The following SCFD1 variants were observed in gnomAD, a reference collection of about 807,000 sequenced individuals.
SCFD1 encodes the protein sec1 family domain containing 1.
SCFD1 carries 37 observed loss-of-function variants against 103.2 expected under a neutral mutation model. The ratio of observed to expected loss-of-function variants is 0.36; its 90% CI spans 0.28 to 0.47. The LOEUF is 0.47. Among genes scored for constraint, SCFD1 ranks in the 20% least tolerant of loss-of-function variants. SCFD1 has a pLI of 1.00. For synonymous variants in SCFD1, 264 were observed against 245.0 expected (o/e 1.08, Z -0.73); for missense variants, 639 against 761.2 (o/e 0.84, Z 1.89).
At chr14:30,670,513 G>T in intron 11 of SCFD1, 118 bp downstream of exon 11, 1 of 600,108 alleles carries the variant, frequency 1.7e-6, no homozygotes, top group Non-Finnish European at 2.8e-6. Context: ...CCAATGAGTG[G>T]GGGCTGTAAT....
At chr14:30,647,917 C>T (rs1373976514) in intron 7 of SCFD1, among the ~76,000 whole-genome samples, 2 of 152,164 alleles carry the variant, frequency 1.3e-5, no homozygotes, top group Non-Finnish European at 2.9e-5. Flanking sequence ...TCCCAAAGTG[C>T]TGGGATTACA....
At chr14:30,713,071 T>G (rs1170176809) in intron 19 of SCFD1, among the ~76,000 whole-genome samples, 1 of 152,192 alleles carries the variant, frequency 6.6e-6, no homozygotes, top group Non-Finnish European at 1.5e-5. Flanking sequence ...AAAACTTGAT[T>G]AACCTGGTAT....
At position 30,658,445 on chromosome 14, in the gene SCFD1, T is replaced by G. The variant is rs1419435386; in HGVS notation, c.855+4857T>G. 12 of 155,044 alleles carry G rather than the reference T, an allele frequency of 7.7e-5. No homozygotes were observed. In the East Asian group the frequency reaches 2.2e-3, roughly 29 times the overall value. The allele number at this position is 155,044 out of a possible 1,614,324, so 9.6% of individuals were successfully genotyped here. On this transcript the variant is annotated intron_variant, in intron 10 of 24. Coordinates refer to ENST00000458591, the MANE Select transcript of SCFD1 (RefSeq NM_016106.4). ...TCTTGCCCCGTCGCCCCGGCTGGAG[T>G]GCAGGAGTGCGATCTCGGCTCACTG...
chr14:30,629,576 A>AG (rs1432223524), intron 2 of SCFD1, among the ~76,000 whole-genome samples: 226 of 145,910 alleles, frequency 1.5e-3, no homozygotes, highest in African/African-American at 5.6e-3. Context: ...TTAGGGACTT[A>AG]ATTTTTTTTT....
rs140830044 is a variant in SCFD1 at position 30,671,848 on chromosome 14, A to G, written c.996-1409A>G. Among the ~76,000 whole-genome samples, 246 of 152,230 alleles carry G rather than the reference A, an allele frequency of 1.6e-3. 1 individual carries two copies. Among genetic ancestry groups the G allele is most frequent in the African/African-American group, 5.5e-3 (229 of 41,564 alleles). ...TCATCCAGCTTTCGTTGGTAAAGCC[A>G]GGGATGAAACCCAGGTCTTGCAGAC... On this transcript the variant is annotated intron_variant, in intron 11 of 24. Coordinates refer to ENST00000458591, the MANE Select transcript of SCFD1 (RefSeq NM_016106.4).
chr14:30,676,903 A>G (rs540633710), intron 14 of SCFD1, among the ~76,000 whole-genome samples: 4 of 152,348 alleles, frequency 2.6e-5, no homozygotes, highest in Admixed American at 2.6e-4. Context: ...CGAAATTTTT[A>G]TCGTGCTTAT....
At chr14:30,734,370 C>A in intron 23 of SCFD1, 1 of 183,698 alleles carries the variant, frequency 5.4e-6, no homozygotes, top group Non-Finnish European at 1.2e-5. Flanking sequence ...TCAAGTGAGA[C>A]TAAAAGCACA....
At chr14:30,675,103 A>G in intron 14 of SCFD1, 38 bp downstream of exon 14, 2 of 1,144,434 alleles carry the variant, frequency 1.7e-6, no homozygotes, top group Non-Finnish European at 2.5e-6. Flanking sequence ...TATGACTTGC[A>G]TTTACATAGG....
chr14:30,697,008 G>A (rs1890746717), intron 15 of SCFD1, among the ~76,000 whole-genome samples: 1 of 152,110 alleles, frequency 6.6e-6, no homozygotes, highest in African/African-American at 2.4e-5. Flanking sequence ...GTGTTGGTGT[G>A]AACTTAGTGT....
chr14:30,680,062 C>T (rs1014081798), intron 14 of SCFD1, among the ~76,000 whole-genome samples: 2 of 152,144 alleles, frequency 1.3e-5, no homozygotes, highest in Non-Finnish European at 2.9e-5. Context: ...TATCCTTCAA[C>T]TCCTTACTGT....
intron 10 of SCFD1, among the ~76,000 whole-genome samples, chr14:30,669,145 A>C (rs1266080433): frequency 6.6e-6 from 1 of 152,142 alleles, no homozygotes; most frequent in South Asian, 2.1e-4. Flanking sequence ...TATTTGAGAA[A>C]GTTACAAGGT....
At chr14:30,648,663 G>GCA (rs1281152021) in intron 7 of SCFD1, among the ~76,000 whole-genome samples, 1 of 152,184 alleles carries the variant, frequency 6.6e-6, no homozygotes, top group Non-Finnish European at 1.5e-5. Flanking sequence ...TGTTATCCCA[G>GCA]CACTTTAGGT....
intron 23 of SCFD1, among the ~76,000 whole-genome samples, chr14:30,724,674 T>G (rs1357459103): frequency 6.6e-6 from 1 of 152,212 alleles, no homozygotes; most frequent in African/African-American, 2.4e-5. Context: ...TCTTTTGCTA[T>G]GTAGAAGCTC....
intron 14 of SCFD1, among the ~76,000 whole-genome samples, chr14:30,681,199 T>G (rs1417844339): frequency 1.4e-5 from 2 of 145,980 alleles, no homozygotes; most frequent in African/African-American, 5.1e-5. Flanking sequence ...CCAGCCTGAG[T>G]GACAGAGTGA....
At chr14:30,622,976 A>G (rs529732440) in intron 1 of SCFD1, among the ~76,000 whole-genome samples, 50 of 152,298 alleles carry the variant, frequency 3.3e-4, no homozygotes, top group South Asian at 1.5e-3. Flanking sequence ...TGTTTGACAC[A>G]TTGTTTTAAA....
chr14:30,710,556 A>G (rs1026853425), intron 19 of SCFD1, among the ~76,000 whole-genome samples: 1 of 152,078 alleles, frequency 6.6e-6, no homozygotes, highest in African/African-American at 2.4e-5. Flanking sequence ...TTCTGGGTAC[A>G]TCTTCATCTC....
At chr14:30,694,526 A>G (rs1890554464) in intron 14 of SCFD1, among the ~76,000 whole-genome samples, 2 of 152,004 alleles carry the variant, frequency 1.3e-5, no homozygotes, top group African/African-American at 4.8e-5. Context: ...AAATACGGAA[A>G]AATTAGCCAG....
chr14:30,622,367 C>G lies in SCFD1; in HGVS notation c.29C>G (p.Ala10Gly), dbSNP rs1399090510. 6.4e-7 allele frequency: 1 copy of G among 1,560,678 alleles called. No homozygotes were observed. Among genetic ancestry groups the G allele is most frequent in the Non-Finnish European group, 8.7e-7 (1 of 1,152,336 alleles). The change falls in exon 1 of 25, where the codon GCA (alanine) becomes GGA (glycine). Residue 10 changes from alanine (A) to glycine (G), a missense_variant. Transcript: ENST00000458591. Reference protein sequence around the residue: MAAAAAATAAAAASIRERQT... With the variant: MAAAAAATAGAAASIRERQT... The stretch of plus-strand genomic sequence containing the variant: ...GCGGCGGCGGCGGCAGCGACAGCAG[C>G]AGCAGCAGCCAGTATTCGGGAAAGG...
Position 30,694,984 on chromosome 14 carries a change from A to G in SCFD1, c.1339+115A>G, listed in dbSNP as rs939033027. 5 of 1,467,230 alleles carry G rather than the reference A, an allele frequency of 3.4e-6. No individual in the cohort carries two copies. The African/African-American group carries it at 7.4e-5, about 22-fold the overall frequency. 90.9% of individuals were successfully genotyped at this position (1,467,230 alleles called of 1,614,324 possible). ...TTTTCTGACAGTCAATGCTAATATCAAGATAATTAAATGAGCTATTTTCTG... is the reference window on the plus strand; with the variant it reads ...TTTTCTGACAGTCAATGCTAATATCGAGATAATTAAATGAGCTATTTTCTG... On this transcript the variant is annotated intron_variant, in intron 15 of 24. Transcript: ENST00000458591.
Sources: allele counts gnomAD v4.1 joint callset (sites outside exome capture counted in the v4.1 genomes callset), GRCh38; gene constraint gnomAD v4.1.1; transcripts MANE v1.5; gene names NCBI Gene and HGNC (gene_info 2026-07-23, HGNC 2026-07-21).